The following MS4A6E variants were observed in gnomAD, a reference collection of about 807,000 sequenced individuals.
MS4A6E encodes the protein membrane-spanning 4-domains subfamily A member 6E.
A neutral mutation model predicts 13.2 loss-of-function variants in MS4A6E; 8 were observed. That is an observed-to-expected ratio of 0.60 (90% CI 0.35 to 1.09). MS4A6E has a LOEUF of 1.09. MS4A6E is among the 50% of genes least tolerant of loss of function. MS4A6E has a pLI of 0.02. For synonymous variants in MS4A6E, 72 were observed against 67.6 expected, an observed-to-expected ratio of 1.06 and a Z score of -0.32; for missense variants, 177 against 171.1, an observed-to-expected ratio of 1.03 and a Z score of -0.19.
chr11:60,336,906 A>G (rs988249897), intron 2 of MS4A6E, among the ~76,000 whole-genome samples: 1 of 152,216 alleles, frequency 6.6e-6, no homozygotes, highest in Non-Finnish European at 1.5e-5. Flanking sequence ...CCTCCACTTC[A>G]TAAATGTAGA....
At chr11:60,339,841 T>G (rs2085212415) in intron 3 of MS4A6E, 25 bp from the exon 4 acceptor site, 1 of 1,606,094 alleles carries the variant, frequency 6.2e-7, no homozygotes, top group East Asian at 2.2e-5. Flanking sequence ...CAAGCATCAC[T>G]GATATTTTAT....
chr11:60,344,058 GTGAGCCAGAGAGGTTACA>G (rs1170910785), downstream of MS4A6E, among the ~76,000 whole-genome samples: 1 of 152,184 alleles, frequency 6.6e-6, no homozygotes, highest in East Asian at 1.9e-4. Flanking sequence ...CCTGCTGGAA[GTGAGCCAGAGAGGTTACA>G]TGCTCAACCA....
chr11:60,342,392 A>AT (rs965589032), downstream of MS4A6E, among the ~76,000 whole-genome samples: 4 of 152,252 alleles, frequency 2.6e-5, no homozygotes, highest in Admixed American at 1.3e-4. Flanking sequence ...CAAAGAGTGA[A>AT]TTTAAGAGCA....
At chr11:60,331,119 T>C (rs1013065117) in intron 1 of MS4A6E, among the ~76,000 whole-genome samples, 1 of 152,218 alleles carries the variant, frequency 6.6e-6, no homozygotes, top group Non-Finnish European at 1.5e-5. Context: ...TGAAATTTAT[T>C]TTACAAAATG....
rs1408709613 is a variant in MS4A6E at position 60,335,519 on chromosome 11, C to T, written c.147+477C>T. ...TTTACCTTTTATTTGTCTGTTTCTC[C>T]TCTCATCCAGAGTTTATTAAAGAAG... is the stretch of plus-strand genomic sequence containing the variant. On this transcript the variant is annotated intron_variant, in intron 2 of 4. Coordinates refer to ENST00000684409, the MANE Select transcript of MS4A6E (RefSeq NM_139249.4). 12 of 452,930 alleles carry T rather than the reference C, an allele frequency of 2.6e-5. No individual in the cohort carries two copies. The Admixed American group carries it at 2.9e-4, about 11-fold the overall frequency. 28.1% of individuals were successfully genotyped at this position (452,930 alleles called of 1,614,324 possible). A position where few individuals can be genotyped will look rare whatever the true frequency, so the allele number is the denominator to read the frequency against.
intron 4 of MS4A6E, among the ~76,000 whole-genome samples, chr11:60,346,991 TA>T (rs1286197413): frequency 4.6e-5 from 7 of 152,350 alleles, no homozygotes; most frequent in African/African-American, 1.7e-4. Context: ...AGTCTCCCTT[TA>T]TTTGCCAAAG....
chr11:60,334,790 G>C (rs1486206529), intron 1 of MS4A6E, 92 bp from the exon 2 acceptor site: 26 of 1,363,926 alleles, frequency 1.9e-5, no homozygotes, highest in Non-Finnish European at 2.5e-5. Flanking sequence ...GGCCAAGTCT[G>C]GACTAATTGG....
chr11:60,328,563 A>G (rs977593139), intron 1 of MS4A6E, among the ~76,000 whole-genome samples: 8 of 151,966 alleles, frequency 5.3e-5, no homozygotes, highest in African/African-American at 7.3e-5. Flanking sequence ...ACACACTCAT[A>G]TAATTCAGAC....
At chr11:60,327,985 G>C (rs187944045) in intron 1 of MS4A6E, among the ~76,000 whole-genome samples, 1 of 130,192 alleles carries the variant, frequency 7.7e-6, no homozygotes, top group African/African-American at 3.0e-5. Context: ...AGCCAAGATC[G>C]CACCACTACA....
At chr11:60,333,766 C>T (rs983992872) in intron 1 of MS4A6E, among the ~76,000 whole-genome samples, 1 of 152,138 alleles carries the variant, frequency 6.6e-6, no homozygotes, top group Non-Finnish European at 1.5e-5. Context: ...CCTGCAGGAA[C>T]AAGAGATATT....
Position 60,337,918 on chromosome 11 carries a change from G to C in MS4A6E, c.325G>C (p.Asp109His), listed in dbSNP as rs1227810109. The change falls in exon 3 of 5, where the codon GAC becomes CAC. Residue 109 changes from aspartate to histidine, a missense_variant. By Grantham distance (81) the Asp-to-His change is moderately conservative (BLOSUM62 -1). Coordinates refer to ENST00000684409, the MANE Select transcript of MS4A6E (RefSeq NM_139249.4). ...SYDYHSPYTM[D>H]CHRAKASLAG... ...TGATTATCATTCACCTTACACCATGGACTGCCATAGAGCCAAAGCCAGTCT... is the reference window on the plus strand; with the variant it reads ...TGATTATCATTCACCTTACACCATGCACTGCCATAGAGCCAAAGCCAGTCT... 1 of 1,614,054 alleles carries C rather than the reference G, an allele frequency of 6.2e-7. No individual in the cohort carries two copies. The highest frequency in any genetic ancestry group is 1.3e-5 in the African/African-American group (1 of 74,926).
At chr11:60,341,493 A>G (rs1590777358), downstream of MS4A6E, among the ~76,000 whole-genome samples, 1 of 152,190 alleles carries the variant, frequency 6.6e-6, no homozygotes, top group East Asian at 1.9e-4. Context: ...CTTATCTGTT[A>G]TGAAGAGACA....
intron 4 of MS4A6E, among the ~76,000 whole-genome samples, chr11:60,349,018 A>C (rs942864904): frequency 6.6e-6 from 1 of 152,194 alleles, no homozygotes; most frequent in Non-Finnish European, 1.5e-5. Context: ...GAGTGAAGAG[A>C]ATGGGGTGGG....
At chr11:60,348,086 A>G (rs6591572) in intron 4 of MS4A6E, among the ~76,000 whole-genome samples, 141,727 of 152,240 alleles carry the variant, frequency 0.93, 66,393 homozygotes, top group Non-Finnish European at 0.99. Context: ...TAAAAAACCC[A>G]GGAACCAAAT....
At chr11:60,347,155 G>A (rs1385309112) in intron 4 of MS4A6E, among the ~76,000 whole-genome samples, 2 of 152,138 alleles carry the variant, frequency 1.3e-5, no homozygotes, top group Admixed American at 6.5e-5. Flanking sequence ...CCCAGATAAG[G>A]GAGACTGGAA....
downstream of MS4A6E, among the ~76,000 whole-genome samples, chr11:60,342,638 G>A (rs2085235518): frequency 6.6e-6 from 1 of 152,160 alleles, no homozygotes; most frequent in African/African-American, 2.4e-5. Context: ...TCTCCACCTG[G>A]CCGGCACCAT....
downstream of MS4A6E, among the ~76,000 whole-genome samples, chr11:60,345,477 A>C (rs1205830240): frequency 6.6e-6 from 1 of 152,132 alleles, no homozygotes; most frequent in African/African-American, 2.4e-5. Flanking sequence ...CTGACTGTGG[A>C]GCTTCACAGC....
chr11:60,332,796 T>C (rs576112567), intron 1 of MS4A6E, among the ~76,000 whole-genome samples: 1 of 152,186 alleles, frequency 6.6e-6, no homozygotes, highest in Non-Finnish European at 1.5e-5. Context: ...TACCAAATAA[T>C]ATATGTAAGA....
intron 1 of MS4A6E, among the ~76,000 whole-genome samples, chr11:60,330,335 C>CTTTTTTTTTT (rs71036576): frequency 1.6e-5 from 1 of 61,168 alleles, no homozygotes; most frequent in Non-Finnish European, 3.0e-5. Context: ...AATTTTGGCT[C>CTTTTTTTTTT]TTTTTTTTTT....
Sources: gnomAD v4.1 joint callset for allele counts (sites outside exome capture counted in the v4.1 genomes callset) on GRCh38, gnomAD v4.1.1 for gene constraint, MANE v1.5 for transcripts, NCBI Gene and HGNC (gene_info 2026-07-23, HGNC 2026-07-21) for gene names.